TRMT10B: variants seen among roughly 807,000 people sequenced by gnomAD.
TRMT10B encodes tRNA methyltransferase 10 homolog B.
Under a neutral mutation model 43.8 loss-of-function variants are expected in TRMT10B, and 33 were observed. The observed-to-expected ratio is 0.75, with a 90% confidence interval of 0.57 to 1.01. The LOEUF (loss-of-function observed/expected upper bound fraction) is 1.01. Ranked by LOEUF, TRMT10B falls within the 50% of genes least tolerant of loss-of-function variation. TRMT10B has a pLI of 0.00. For synonymous variants in TRMT10B, 137 were observed against 130.6 expected (o/e 1.05, Z -0.34); for missense variants, 362 against 369.8 (o/e 0.98, Z 0.17).
At chr9:37,766,992 A>G (rs1055400719) in intron 4 of TRMT10B, 6 of 152,228 alleles carry the variant, frequency 3.9e-5, no homozygotes, top group African/African-American at 1.2e-4. Flanking sequence ...GGAGCTTACT[A>G]TTAGGCTATT....
chr9:37,756,738 A>G (rs1246851330), intron 1 of TRMT10B, among the ~76,000 whole-genome samples: 1 of 151,204 alleles, frequency 6.6e-6, no homozygotes, highest in East Asian at 1.9e-4. Context: ...ATATATATAT[A>G]TATACACACA....
intron 7 of TRMT10B, among the ~76,000 whole-genome samples, 166 bp from the exon 8 acceptor site, chr9:37,776,115 AC>A (rs924244248): frequency 6.6e-6 from 1 of 151,794 alleles, no homozygotes; most frequent in Non-Finnish European, 1.5e-5. Context: ...TGGATGAGTG[AC>A]CCCCCAAAAA....
chr9:37,777,961 C>T lies in TRMT10B; in HGVS notation c.*254C>T. ...CGAAGGTTGCAGTGAGCCGAGATTTCACCAGTGCACTCCAGCCTGGGTGAC... is the reference window on the plus strand; with the variant it reads ...CGAAGGTTGCAGTGAGCCGAGATTTTACCAGTGCACTCCAGCCTGGGTGAC... On this transcript the variant is annotated 3_prime_UTR_variant, in exon 9 of 9. Transcript: ENST00000297994. The T allele has an allele frequency of 8.8e-6, 3 of 339,794 alleles. No homozygotes were observed. Among genetic ancestry groups the T allele is most frequent in the Non-Finnish European group, 1.1e-5 (2 of 177,848 alleles). The allele number at this position is 339,794 out of a possible 1,614,324, so 21.0% of individuals were successfully genotyped here. A position where few individuals can be genotyped will look rare whatever the true frequency, so the allele number is the denominator to read the frequency against.
chr9:37,775,552 A>G (rs1000888856), intron 7 of TRMT10B, among the ~76,000 whole-genome samples: 1 of 152,030 alleles, frequency 6.6e-6, no homozygotes, highest in South Asian at 2.1e-4. Flanking sequence ...TATTTTTGAG[A>G]CAGGGTCTCC....
chr9:37,752,974 C>T (rs886909905), upstream of TRMT10B, among the ~76,000 whole-genome samples: 28 of 152,044 alleles, frequency 1.8e-4, no homozygotes, highest in East Asian at 1.9e-4. Flanking sequence ...GCTTGCTAAC[C>T]CTTTGGGTCC....
chr9:37,760,095 G>A (rs1362156843), intron 1 of TRMT10B, among the ~76,000 whole-genome samples: 1 of 152,208 alleles, frequency 6.6e-6, no homozygotes, highest in African/African-American at 2.4e-5. Context: ...GGACGCCGAG[G>A]TGGGCGGATC....
intron 4 of TRMT10B, 159 bp downstream of exon 4, chr9:37,763,912 C>G (rs1173951698): frequency 7.0e-7 from 1 of 1,434,718 alleles, no homozygotes; most frequent in African/African-American, 1.4e-5. Flanking sequence ...TCCAAGGTGG[C>G]TGTTGTAACG....
chr9:37,770,872 A>G (rs917392651), intron 7 of TRMT10B, 133 bp downstream of exon 7: 2 of 889,838 alleles, frequency 2.2e-6, no homozygotes, highest in African/African-American at 3.5e-5. Flanking sequence ...CATCCCCACC[A>G]GGTTGGCCCT....
At chr9:37,760,389 G>A (rs368517922) in intron 1 of TRMT10B, among the ~76,000 whole-genome samples, 1 of 152,188 alleles carries the variant, frequency 6.6e-6, no homozygotes, top group African/African-American at 2.4e-5. Flanking sequence ...GCCAAGCATG[G>A]TGATGCATGC....
At chr9:37,766,900 C>T (rs1444996722) in intron 4 of TRMT10B, 1 of 152,130 alleles carries the variant, frequency 6.6e-6, no homozygotes, top group Non-Finnish European at 1.5e-5. Context: ...TATAAGAATG[C>T]TTGTGATTTT....
intron 7 of TRMT10B, among the ~76,000 whole-genome samples, chr9:37,771,967 C>T (rs540128033): frequency 1.3e-5 from 2 of 151,882 alleles, no homozygotes; most frequent in Non-Finnish European, 2.9e-5. Context: ...CCTCAGCCTT[C>T]TGAGTAGCTA....
At chr9:37,755,727 A>G (rs568497069) in intron 1 of TRMT10B, among the ~76,000 whole-genome samples, 4 of 152,342 alleles carry the variant, frequency 2.6e-5, no homozygotes, top group African/African-American at 9.6e-5. Context: ...TGGTTTAAGA[A>G]ACATTCTCAG....
At chr9:37,762,504 G>T (rs1271398822) in intron 2 of TRMT10B, 73 bp from the exon 3 acceptor site, 27 of 1,506,106 alleles carry the variant, frequency 1.8e-5, no homozygotes, top group Non-Finnish European at 2.3e-5. Flanking sequence ...AAAAGCAAAT[G>T]TTTCTAATGT....
chr9:37,760,772 A>C (rs1340363833), intron 1 of TRMT10B, among the ~76,000 whole-genome samples: 2 of 152,218 alleles, frequency 1.3e-5, no homozygotes, highest in Non-Finnish European at 2.9e-5. Context: ...CATACTACAT[A>C]GACTTAACAC....
In TRMT10B at chr9:37,760,922, A is replaced by G. The variant is rs117221218; in HGVS notation, c.-29-981A>G. On this transcript the variant is annotated intron_variant, in intron 1 of 8. Coordinates refer to ENST00000297994, the MANE Select transcript of TRMT10B (RefSeq NM_144964.4). Reference sequence around the variant, plus strand: ...TCTGACTCATATCGTTCAGATTTTGAACTCCACTTTGAAATTGACATCATT... The same window carrying G: ...TCTGACTCATATCGTTCAGATTTTGGACTCCACTTTGAAATTGACATCATT... Among the ~76,000 whole-genome samples the G allele has an allele frequency of 3.1e-4, 47 of 152,322 alleles. No individual in the cohort carries two copies. In the East Asian group the frequency reaches 7.9e-3, roughly 26 times the overall value.
intron 7 of TRMT10B, among the ~76,000 whole-genome samples, chr9:37,771,886 T>C (rs1827623527): frequency 6.6e-6 from 1 of 151,972 alleles, no homozygotes; most frequent in Admixed American, 6.6e-5. Context: ...GTTTTTTTTT[T>C]TTCTTTTGAA....
chr9:37,753,155 C>T (rs892075890), upstream of TRMT10B, among the ~76,000 whole-genome samples: 3 of 151,836 alleles, frequency 2.0e-5, no homozygotes, highest in East Asian at 2.0e-4. Context: ...CTGAAGCTAG[C>T]GAGACCATGA....
chr9:37,764,394 T>C (rs1045839345), intron 4 of TRMT10B, among the ~76,000 whole-genome samples: 1 of 145,834 alleles, frequency 6.9e-6, no homozygotes, highest in Admixed American at 7.1e-5. Flanking sequence ...CAATCTTGGC[T>C]CACTGCAAGC....
chr9:37,761,552 G>A (rs1826331922), intron 1 of TRMT10B, among the ~76,000 whole-genome samples: 1 of 152,140 alleles, frequency 6.6e-6, no homozygotes, highest in African/African-American at 2.4e-5. Flanking sequence ...AGAAAAATTA[G>A]CCGGGCTTGG....
Sources: allele counts gnomAD v4.1 joint callset (sites outside exome capture counted in the v4.1 genomes callset), GRCh38; gene constraint gnomAD v4.1.1; transcripts MANE v1.5; gene names NCBI Gene and HGNC (gene_info 2026-07-23, HGNC 2026-07-21).